KIAA0232: variants seen among roughly 807,000 people sequenced by gnomAD.
The protein encoded by KIAA0232 is KIAA0232.
In KIAA0232, 27 loss-of-function variants were observed where a neutral mutation model predicts 122.0. The ratio of observed to expected loss-of-function variants is 0.22; its 90% CI spans 0.16 to 0.31. The LOEUF is 0.31. Among genes scored for constraint, KIAA0232 ranks in the 10% least tolerant of loss-of-function variants. The pLI, the probability that KIAA0232 is intolerant of heterozygous loss-of-function variation, is 1.00. For synonymous variants in KIAA0232, 613 were observed against 587.6 expected (o/e 1.04, Z -0.63); for missense variants, 1,551 against 1,634.2 (o/e 0.95, Z 0.88).
chr4:6,862,484 A>T lies in KIAA0232; in HGVS notation c.2102A>T (p.Glu701Val). 1.9e-6 allele frequency: 3 copies of T among 1,614,144 alleles called. No individual in the cohort carries two copies. The highest frequency in any genetic ancestry group is 1.7e-6 in the Non-Finnish European group (2 of 1,180,012). The part of the protein sequence containing the change: ...WTKNSAFEEN[E>V]HCSNLSTRTC... ...AAAAATAGTGCCTTTGAAGAAAATG[A>T]ACACTGTTCTAATCTTTCAACAAGA... The change falls in exon 7 of 10, where the codon GAA becomes GTA. Residue 701 changes from glutamate (E) to valine (V), a missense_variant. By Grantham distance (121) the Glu-to-Val change is moderately radical. Transcript: ENST00000307659.
At chr4:6,868,062 A>G (rs1050985376) in intron 7 of KIAA0232, among the ~76,000 whole-genome samples, 27 of 152,186 alleles carry the variant, frequency 1.8e-4, no homozygotes, top group Non-Finnish European at 4.0e-4. Flanking sequence ...GATTGTGGCA[A>G]AGGGGCAAGA....
At chr4:6,790,079 A>G (rs1460826574) in intron 1 of KIAA0232, among the ~76,000 whole-genome samples, 2 of 152,214 alleles carry the variant, frequency 1.3e-5, no homozygotes, top group African/African-American at 2.4e-5. Context: ...TACACTATAC[A>G]GTATGTTATT....
In KIAA0232 at chr4:6,880,786, G is replaced by A; in HGVS notation, c.4009-1G>A. ...TGTGTTGAAAATTGTTTTAATCTTA[G>A]GTGTCTTCTGTTTATGAAGCAAGAT... is the stretch of plus-strand genomic sequence containing the variant. On this transcript the variant is annotated splice_acceptor_variant, in intron 9 of 9. Coordinates refer to ENST00000307659, the MANE Select transcript of KIAA0232 (RefSeq NM_014743.3). LOFTEE classifies it high-confidence loss of function. The A allele has an allele frequency of 6.5e-7, 1 of 1,529,300 alleles. No individual in the cohort carries two copies. Among genetic ancestry groups the A allele is most frequent in the Non-Finnish European group, 8.8e-7 (1 of 1,134,766 alleles). 94.7% of individuals were successfully genotyped at this position (1,529,300 alleles called of 1,614,324 possible). A position where few individuals can be genotyped will look rare whatever the true frequency, so the allele number is the denominator to read the frequency against.
chr4:6,815,457 A>G (rs1718075151), intron 2 of KIAA0232, among the ~76,000 whole-genome samples: 1 of 152,228 alleles, frequency 6.6e-6, no homozygotes, highest in Non-Finnish European at 1.5e-5. Flanking sequence ...GAGAAAGCTT[A>G]GTGCCCGGTA....
chr4:6,829,418 T>A (rs1351341653), intron 3 of KIAA0232, among the ~76,000 whole-genome samples: 2 of 152,326 alleles, frequency 1.3e-5, no homozygotes, highest in East Asian at 3.9e-4. Flanking sequence ...GTTGGGTGGT[T>A]GAAAAGTGGT....
chr4:6,812,285 A>G (rs979350283), intron 2 of KIAA0232, among the ~76,000 whole-genome samples: 29 of 152,142 alleles, frequency 1.9e-4, no homozygotes, highest in African/African-American at 5.8e-4. Context: ...CTATATTTGC[A>G]CACCGGCTCC....
intron 6 of KIAA0232, among the ~76,000 whole-genome samples, 197 bp from the exon 7 acceptor site, chr4:6,860,700 CAAAA>C (rs1430916994): frequency 6.6e-6 from 1 of 152,214 alleles, no homozygotes; most frequent in Non-Finnish European, 1.5e-5. Context: ...CAGTGCTGAG[CAAAA>C]TGGTGCTTGA....
intron 1 of KIAA0232, among the ~76,000 whole-genome samples, chr4:6,803,235 T>C (rs981457569): frequency 1.1e-4 from 17 of 150,754 alleles, no homozygotes; most frequent in Non-Finnish European, 1.8e-4. Context: ...ATATGGACTT[T>C]CTCATATAAA....
intron 4 of KIAA0232, 137 bp from the exon 5 acceptor site, chr4:6,857,027 T>G (rs149769306): frequency 3.8e-5 from 20 of 524,386 alleles, no homozygotes; most frequent in Non-Finnish European, 6.5e-5. Context: ...AACTGTAGTA[T>G]TCACGTAAAT....
chr4:6,789,006 T>C (rs1716758261), intron 1 of KIAA0232, among the ~76,000 whole-genome samples: 1 of 152,178 alleles, frequency 6.6e-6, no homozygotes, highest in Admixed American at 6.5e-5. Flanking sequence ...AATCTCGCTC[T>C]GTCGCCCAGG....
chr4:6,833,757 A>T (rs1469564692), intron 3 of KIAA0232, among the ~76,000 whole-genome samples: 1 of 152,250 alleles, frequency 6.6e-6, no homozygotes, highest in African/African-American at 2.4e-5. Context: ...AGTAGGTATG[A>T]AATAGCATAT....
chr4:6,800,209 C>T (rs1187072895), intron 1 of KIAA0232, among the ~76,000 whole-genome samples: 2 of 149,560 alleles, frequency 1.3e-5, no homozygotes, highest in Admixed American at 1.3e-4. Flanking sequence ...AGGTGCCCGC[C>T]ACCATGCTTG....
rs538132703 is a variant in KIAA0232 at position 6,829,143 on chromosome 4, G to A, written c.231+4459G>A. On this transcript the variant is annotated intron_variant, in intron 3 of 9. Transcript: ENST00000307659. ...GTTTTGCAAAACATCCCTTAATTTG[G>A]GTTTTTCGGATATTTCCTCGTATCT... is the stretch of plus-strand genomic sequence containing the variant. 2.6e-5 allele frequency among the ~76,000 whole-genome samples: 4 copies of A among 152,000 alleles called. No homozygotes were observed. The South Asian group carries it at 8.3e-4, about 32-fold the overall frequency.
At chr4:6,849,116 C>T (rs1404704484) in intron 4 of KIAA0232, among the ~76,000 whole-genome samples, 1 of 152,210 alleles carries the variant, frequency 6.6e-6, no homozygotes, top group East Asian at 1.9e-4. Flanking sequence ...TGCACTGAGA[C>T]TAACTAAACA....
At chr4:6,869,529 G>A (rs17796981) in intron 7 of KIAA0232, among the ~76,000 whole-genome samples, 38,833 of 152,130 alleles carry the variant, frequency 0.26, 5,524 homozygotes, top group Middle Eastern at 0.32. Context: ...GTGCCACCTT[G>A]TTTGCGGGAA....
At chr4:6,847,953 G>A (rs1057499603) in intron 4 of KIAA0232, among the ~76,000 whole-genome samples, 9 of 152,092 alleles carry the variant, frequency 5.9e-5, no homozygotes, top group Non-Finnish European at 1.2e-4. Flanking sequence ...TTTGAGGATG[G>A]TTAGAAGATT....
chr4:6,869,331 A>G (rs934174243), intron 7 of KIAA0232, among the ~76,000 whole-genome samples: 1 of 152,164 alleles, frequency 6.6e-6, no homozygotes, highest in African/African-American at 2.4e-5. Flanking sequence ...CTCTAAATCC[A>G]CTTATCTTCA....
At chr4:6,850,564 A>G (rs1346401591) in intron 4 of KIAA0232, among the ~76,000 whole-genome samples, 1 of 152,036 alleles carries the variant, frequency 6.6e-6, no homozygotes, top group African/African-American at 2.4e-5. Context: ...CTTCGTTCCT[A>G]AGTAGTTCTC....
chr4:6,811,240 A>T (rs1383593737), intron 2 of KIAA0232, among the ~76,000 whole-genome samples: 1 of 152,182 alleles, frequency 6.6e-6, no homozygotes, highest in Non-Finnish European at 1.5e-5. Flanking sequence ...GGATAAAGAA[A>T]ATGTGGTCTA....
Sources: gnomAD v4.1 joint callset for allele counts (sites outside exome capture counted in the v4.1 genomes callset) on GRCh38, gnomAD v4.1.1 for gene constraint, MANE v1.5 for transcripts, NCBI Gene and HGNC (gene_info 2026-07-23, HGNC 2026-07-21) for gene names.